Variants in NALF1 observed in about 807,000 individuals in gnomAD.
NALF1 encodes the protein NALCN channel auxiliary factor 1, also known as family with sequence similarity 155 member A.
Under a neutral mutation model 48.4 loss-of-function variants are expected in NALF1, and 3 were observed. The ratio of observed to expected loss-of-function variants is 0.06; its 90% confidence interval spans 0.03 to 0.16. The LOEUF (loss-of-function observed/expected upper bound fraction) is 0.16, where lower values mean the gene tolerates loss of function less well. Ranked by LOEUF, NALF1 falls within the 10% of genes least tolerant of loss-of-function variation. The probability of loss-of-function intolerance (pLI) is 1.00; values close to 1 mark genes in which losing one functional copy is unlikely to be tolerated. For missense variants in NALF1, 526 were observed against 571.5 expected, an observed-to-expected ratio of 0.92 and a Z score of 0.81; for synonymous variants, 262 against 245.7, an observed-to-expected ratio of 1.07 and a Z score of -0.62.
In NALF1 at chr13:107,262,769, G is replaced by GCTCTCTCTCTCT. The variant is rs1555329321; in HGVS notation, c.916-52026_916-52015dup. The stretch of plus-strand genomic sequence containing the variant: ...ATATTAAGTTGCATAACCCACAGGC[G>GCTCTCTCTCTCT]CTCTCTCTCTCTCTCTCTCTCTCTC... On this transcript the variant is annotated intron_variant, in intron 1 of 2. Coordinates refer to ENST00000375915, the MANE Select transcript of NALF1 (RefSeq NM_001080396.3). 5.3e-3 allele frequency among the ~76,000 whole-genome samples: 766 copies of GCTCTCTCTCTCT among 144,078 alleles called. 8 individuals carry two copies. Among genetic ancestry groups the GCTCTCTCTCTCT allele is most frequent in the African/African-American group, 0.016 (586 of 37,786 alleles). 94.5% of individuals were successfully genotyped at this position (144,078 alleles called of 152,430 possible). A position where few individuals can be genotyped will look rare whatever the true frequency, so the allele number is the denominator to read the frequency against.
rs576630799 is a variant in NALF1 at position 107,298,824 on chromosome 13, C to T, written c.916-88069G>A. ...GTCCAGAATTTTTAAATATACTGTT[C>T]GCCCAGCTTTCCCTAATGATAACAA... On this transcript the variant is annotated intron_variant, in intron 1 of 2. Transcript: ENST00000375915. Among the ~76,000 whole-genome samples, 18 of 152,226 alleles carry T rather than the reference C, an allele frequency of 1.2e-4. No homozygotes were observed. In the South Asian group the frequency reaches 3.1e-3, roughly 26 times the overall value.
At chr13:107,833,771 G>T (rs1044950310) in intron 1 of NALF1, among the ~76,000 whole-genome samples, 1 of 152,142 alleles carries the variant, frequency 6.6e-6, no homozygotes, top group Non-Finnish European at 1.5e-5. Flanking sequence ...TGCTTCTCAT[G>T]TAAAGGTATT....
intron 1 of NALF1, among the ~76,000 whole-genome samples, chr13:107,312,170 C>A (rs1258782819): frequency 6.6e-6 from 1 of 152,130 alleles, no homozygotes; most frequent in Non-Finnish European, 1.5e-5. Flanking sequence ...TTGGAACCAA[C>A]CCAAATGTCC....
chr13:107,841,756 A>T (rs1024653094), intron 1 of NALF1, among the ~76,000 whole-genome samples: 3 of 152,018 alleles, frequency 2.0e-5, no homozygotes, highest in African/African-American at 7.2e-5. Flanking sequence ...GGGAAAGCAT[A>T]TTGTTTAAAT....
At chr13:107,440,902 G>A (rs951036756) in intron 1 of NALF1, among the ~76,000 whole-genome samples, 10 of 151,946 alleles carry the variant, frequency 6.6e-5, no homozygotes, top group African/African-American at 4.8e-5. Flanking sequence ...CGGCAACTTC[G>A]GTATAAATAA....
chr13:107,638,157 T>TG (rs1263626669), intron 1 of NALF1, among the ~76,000 whole-genome samples: 1 of 105,440 alleles, frequency 9.5e-6, no homozygotes, highest in Non-Finnish European at 2.1e-5. Flanking sequence ...TGAAAGCACT[T>TG]GGAGTATATA....
intron 1 of NALF1, among the ~76,000 whole-genome samples, chr13:107,387,164 G>C (rs1883544521): frequency 1.3e-5 from 2 of 152,170 alleles, no homozygotes; most frequent in African/African-American, 2.4e-5. Context: ...AAATGTCTTA[G>C]AAATTTCGAC....
chr13:107,531,203 C>T (rs1876624692), intron 1 of NALF1: 1 of 168,670 alleles, frequency 5.9e-6, no homozygotes, highest in African/African-American at 2.4e-5. Flanking sequence ...AAATGTAATC[C>T]CCAATGCTGG....
intron 1 of NALF1, among the ~76,000 whole-genome samples, chr13:107,267,842 A>G (rs1881073037): frequency 6.6e-6 from 1 of 152,188 alleles, no homozygotes; most frequent in Non-Finnish European, 1.5e-5. Flanking sequence ...CTACTAAGCG[A>G]CTAACAGGCT....
intron 1 of NALF1, among the ~76,000 whole-genome samples, chr13:107,523,250 C>T (rs571758537): frequency 6.6e-6 from 1 of 152,296 alleles, no homozygotes; most frequent in South Asian, 2.1e-4. Flanking sequence ...ACATTGCCAT[C>T]AAACATTGCC....
rs1417177769 is a variant in NALF1 at position 107,275,978 on chromosome 13, G to T, written c.916-65223C>A. Among the ~76,000 whole-genome samples the T allele has an allele frequency of 4.6e-5, 7 of 152,136 alleles. No individual in the cohort carries two copies. The South Asian group carries it at 1.5e-3, about 32-fold the overall frequency. On this transcript the variant is annotated intron_variant, in intron 1 of 2. Transcript: ENST00000375915. ...AGGTCCCTGAGAGCTGCTCAACTGG[G>T]GGGTCTCAGTTCTTTGTTCTACCAC...
intron 1 of NALF1, among the ~76,000 whole-genome samples, chr13:107,397,005 C>T (rs114982367): frequency 0.019 from 2,956 of 152,230 alleles, 104 homozygotes; most frequent in African/African-American, 0.067. Context: ...AGCAAGATGG[C>T]CTGGAGGCAT....
intron 1 of NALF1, among the ~76,000 whole-genome samples, chr13:107,617,684 T>C (rs139888375): frequency 1.3e-5 from 2 of 152,216 alleles, no homozygotes; most frequent in East Asian, 1.9e-4. Context: ...TAAAGCAGCA[T>C]AGGCAGGACA....
At chr13:107,213,831 C>T (rs61064758) in intron 1 of NALF1, among the ~76,000 whole-genome samples, 2,617 of 152,196 alleles carry the variant, frequency 0.017, 90 homozygotes, top group African/African-American at 0.06. Context: ...ATGTGAAGAA[C>T]GGAGAATACC....
At chr13:107,176,535 A>G (rs1047296287) in intron 2 of NALF1, among the ~76,000 whole-genome samples, 1 of 151,818 alleles carries the variant, frequency 6.6e-6, no homozygotes, top group African/African-American at 2.4e-5. Flanking sequence ...CCAGCTGCTC[A>G]GGAGGCTGAG....
At chr13:107,459,613 A>C (rs1350695311) in intron 1 of NALF1, among the ~76,000 whole-genome samples, 2 of 152,220 alleles carry the variant, frequency 1.3e-5, no homozygotes, top group African/African-American at 4.8e-5. Context: ...TTTGCATTCC[A>C]AGACTTCAAG....
intron 1 of NALF1, among the ~76,000 whole-genome samples, chr13:107,386,413 T>G (rs1460194045): frequency 6.6e-6 from 1 of 152,190 alleles, no homozygotes; most frequent in Admixed American, 6.5e-5. Flanking sequence ...GAAACTTGGC[T>G]TTTACACAAC....
chr13:107,471,623 T>C (rs1885102545), intron 1 of NALF1, among the ~76,000 whole-genome samples: 1 of 152,252 alleles, frequency 6.6e-6, no homozygotes, highest in Admixed American at 6.5e-5. Context: ...TGATGTCTTA[T>C]TTTGACTTTT....
At chr13:107,627,799 T>C (rs1879719640) in intron 1 of NALF1, among the ~76,000 whole-genome samples, 1 of 152,086 alleles carries the variant, frequency 6.6e-6, no homozygotes, top group Non-Finnish European at 1.5e-5. Flanking sequence ...CTGCATTCAA[T>C]ATAAATACTT....
Sources: allele counts gnomAD v4.1 joint callset (sites outside exome capture counted in the v4.1 genomes callset), GRCh38; gene constraint gnomAD v4.1.1; transcripts MANE v1.5; gene names NCBI Gene and HGNC (gene_info 2026-07-23, HGNC 2026-07-21).